Variants in SLC13A3 observed in about 807,000 individuals in gnomAD.
SLC13A3 encodes Na(+)/dicarboxylate cotransporter 3.
Under a neutral mutation model 59.0 loss-of-function variants are expected in SLC13A3, and 40 were observed. The ratio of observed to expected loss-of-function variants is 0.68; its 90% CI spans 0.53 to 0.88. The LOEUF is 0.88. SLC13A3 is among the 40% of genes least tolerant of loss of function. The pLI is 0.00. For missense variants in SLC13A3, 699 were observed against 783.2 expected (o/e 0.89, Z 1.28); for synonymous variants, 317 against 330.3 (o/e 0.96, Z 0.44).
chr20:46,681,262 C>T (rs1219296142), intron 1 of SLC13A3, among the ~76,000 whole-genome samples: 1 of 152,214 alleles, frequency 6.6e-6, no homozygotes, highest in Non-Finnish European at 1.5e-5. Flanking sequence ...GTCCGTCTCC[C>T]TCATTACATG....
At chr20:46,625,593 A>G (rs925403983) in intron 1 of SLC13A3, among the ~76,000 whole-genome samples, 3 of 152,248 alleles carry the variant, frequency 2.0e-5, no homozygotes, top group African/African-American at 7.2e-5. Flanking sequence ...ATCTCCCCAG[A>G]AAGTTCCTAC....
At chr20:46,616,221 T>C (rs1286292881) in intron 1 of SLC13A3, among the ~76,000 whole-genome samples, 3 of 152,204 alleles carry the variant, frequency 2.0e-5, no homozygotes, top group Non-Finnish European at 2.9e-5. Flanking sequence ...TAAATACTTA[T>C]AACCCCCAGC....
chr20:46,598,146 A>G lies in SLC13A3; in HGVS notation c.609-1804T>C, dbSNP rs899216483. Among the ~76,000 whole-genome samples, 5 of 152,342 alleles carry G rather than the reference A, an allele frequency of 3.3e-5. No individual in the cohort carries two copies. The South Asian group carries it at 6.2e-4, about 19-fold the overall frequency. ...TGAAAAAATATTTACTTAAAGAAGG[A>G]AAGATAATTCAAATACCCTCTGGCC... On this transcript the variant is annotated intron_variant, in intron 4 of 12. Transcript: ENST00000279027.
chr20:46,603,889 G>A (rs1485584811), intron 3 of SLC13A3, among the ~76,000 whole-genome samples: 2 of 151,532 alleles, frequency 1.3e-5, no homozygotes, highest in Non-Finnish European at 2.9e-5. Context: ...CTCTTGAGAG[G>A]CTGAGGTGGG....
intron 10 of SLC13A3, among the ~76,000 whole-genome samples, chr20:46,569,564 G>C (rs1164825235): frequency 1.3e-5 from 2 of 152,214 alleles, no homozygotes; most frequent in African/African-American, 4.8e-5. Context: ...TGTCCCAGAA[G>C]GTTATTGTTG....
At chr20:46,593,733 AATAC>A (rs2062282573) in intron 5 of SLC13A3, among the ~76,000 whole-genome samples, 2 of 152,192 alleles carry the variant, frequency 1.3e-5, no homozygotes, top group African/African-American at 4.8e-5. Flanking sequence ...AAAATAAGAC[AATAC>A]ATAGTCACTA....
chr20:46,595,794 T>A (rs979888443), intron 5 of SLC13A3, among the ~76,000 whole-genome samples: 5 of 152,148 alleles, frequency 3.3e-5, no homozygotes, highest in Non-Finnish European at 5.9e-5. Flanking sequence ...TCCACATGGC[T>A]CATTCCCTTC....
chr20:46,579,046 T>C (rs1285648124), intron 9 of SLC13A3, among the ~76,000 whole-genome samples: 1 of 152,066 alleles, frequency 6.6e-6, no homozygotes, highest in African/African-American at 2.4e-5. Context: ...GTGGGGTGAG[T>C]ATAAGAAGAA....
intron 3 of SLC13A3, among the ~76,000 whole-genome samples, chr20:46,600,813 T>C (rs1441628949): frequency 6.6e-6 from 1 of 152,096 alleles, no homozygotes; most frequent in Non-Finnish European, 1.5e-5. Context: ...AGGAAATAAA[T>C]GAATAAAGAA....
chr20:46,587,168 C>T (rs6066027), intron 8 of SLC13A3, among the ~76,000 whole-genome samples: 2 of 152,298 alleles, frequency 1.3e-5, no homozygotes, highest in African/African-American at 4.8e-5. Flanking sequence ...TACCCATTTC[C>T]TAATGAATAT....
chr20:46,631,039 A>G (rs1257856979), intron 1 of SLC13A3, among the ~76,000 whole-genome samples: 1 of 152,244 alleles, frequency 6.6e-6, no homozygotes, highest in Non-Finnish European at 1.5e-5. Flanking sequence ...TAATAGTACA[A>G]TTAGATCAAT....
intron 1 of SLC13A3, among the ~76,000 whole-genome samples, chr20:46,617,779 G>C (rs1394786641): frequency 2.0e-5 from 3 of 152,174 alleles, no homozygotes; most frequent in African/African-American, 7.2e-5. Flanking sequence ...CAGGAAATCT[G>C]CATCACATTC....
intron 8 of SLC13A3, chr20:46,584,311 T>C: frequency 1.0e-6 from 1 of 985,440 alleles, no homozygotes; most frequent in Non-Finnish European, 1.2e-6. Context: ...TAAACTGACA[T>C]ACAAATACAA....
intron 3 of SLC13A3, among the ~76,000 whole-genome samples, chr20:46,602,114 G>T (rs1297837347): frequency 6.6e-6 from 1 of 152,146 alleles, no homozygotes; most frequent in African/African-American, 2.4e-5. Flanking sequence ...CAGGAGGATT[G>T]CTTGAGCCGA....
At chr20:46,582,999 T>A in intron 9 of SLC13A3, 3 of 986,044 alleles carry the variant, frequency 3.0e-6, no homozygotes, top group Non-Finnish European at 3.6e-6. Context: ...ACACTTCCTA[T>A]ACGGTTGAAA....
At chr20:46,631,048 A>G (rs2062731139) in intron 1 of SLC13A3, among the ~76,000 whole-genome samples, 1 of 152,238 alleles carries the variant, frequency 6.6e-6, no homozygotes, top group Admixed American at 6.5e-5. Context: ...AATTAGATCA[A>G]TTTCATAAAG....
intron 8 of SLC13A3, among the ~76,000 whole-genome samples, chr20:46,587,360 A>G (rs1381108997): frequency 1.3e-5 from 2 of 151,750 alleles, no homozygotes; most frequent in African/African-American, 4.9e-5. Context: ...CACTGCTCAC[A>G]GAAAAAAAAC....
chr20:46,671,057 G>A (rs1192122049), upstream of SLC13A3, among the ~76,000 whole-genome samples: 1 of 152,178 alleles, frequency 6.6e-6, no homozygotes, highest in Admixed American at 6.5e-5. Context: ...ATGTTGGAAT[G>A]CACTGCCCAG....
chr20:46,614,547 C>T (rs1273372293), intron 1 of SLC13A3, among the ~76,000 whole-genome samples: 1 of 152,226 alleles, frequency 6.6e-6, no homozygotes, highest in African/African-American at 2.4e-5. Flanking sequence ...GCAACTGCCA[C>T]ATCCTTACAC....
Sources: gnomAD v4.1 joint callset for allele counts (sites outside exome capture counted in the v4.1 genomes callset) on GRCh38, gnomAD v4.1.1 for gene constraint, MANE v1.5 for transcripts, NCBI Gene and HGNC (gene_info 2026-07-23, HGNC 2026-07-21) for gene names.